The following ABRAXAS1 variants were observed in gnomAD, a reference collection of about 807,000 sequenced individuals.
ABRAXAS1 encodes the protein abraxas 1, BRCA1 A complex subunit.
Under a neutral mutation model 38.4 loss-of-function variants are expected in ABRAXAS1, and 26 were observed. The observed-to-expected ratio is 0.68, with a 90% CI of 0.50 to 0.94. ABRAXAS1 has a LOEUF of 0.94. Ranked by LOEUF, ABRAXAS1 falls within the 40% of genes least tolerant of loss-of-function variation. The pLI is 0.00. For missense variants in ABRAXAS1, 438 were observed against 481.9 expected, an observed-to-expected ratio of 0.91 and a Z score of 0.85; for synonymous variants, 144 against 165.5, an observed-to-expected ratio of 0.87 and a Z score of 1.00.
chr4:83,474,783 A>T (rs145632195), intron 3 of ABRAXAS1, among the ~76,000 whole-genome samples: 6 of 151,986 alleles, frequency 3.9e-5, no homozygotes, highest in Non-Finnish European at 7.4e-5. Flanking sequence ...GTGGGGCTCT[A>T]TTTTAGCAAC....
In ABRAXAS1 at chr4:83,462,834, G is replaced by A. The variant is rs1722186166; in HGVS notation, c.865C>T (p.Pro289Ser). 1 of 1,608,870 alleles carries A rather than the reference G, an allele frequency of 6.2e-7. No individual in the cohort carries two copies. The highest frequency in any genetic ancestry group is 2.2e-5 in the East Asian group (1 of 44,836). Residue 289 changes from proline (P) to serine (S), a missense_variant, in exon 9 of 9, where the codon CCA becomes TCA. Around this residue, in one of 3 missense-constraint regions of ABRAXAS1, gnomAD observed 184 missense variants for 181.9 expected, o/e 1.01. Coordinates refer to ENST00000321945, the MANE Select transcript of ABRAXAS1 (RefSeq NM_139076.3). ...CATGAATGAAGAAATTCAGAATTTG[G>A]AAAAAAGGTCCGTAATGCCTGACAA... ...FLCQALRTFF[P>S]NSEFLHSCVM...
intron 5 of ABRAXAS1, 156 bp from the exon 6 acceptor site, chr4:83,469,307 G>T: frequency 6.8e-6 from 4 of 586,976 alleles, no homozygotes; most frequent in Non-Finnish European, 2.9e-6. Flanking sequence ...TTACTGACTT[G>T]AAACAACTGT....
intron 2 of ABRAXAS1, chr4:83,477,739 G>A (rs934601459): frequency 1.1e-5 from 7 of 652,802 alleles, no homozygotes; most frequent in South Asian, 2.7e-5. Context: ...TCTATAAAGC[G>A]GAAGGTGTAT....
Position 83,460,938 on chromosome 4 carries a change from A to AT in ABRAXAS1, c.*1530dup, listed in dbSNP as rs779054803. The AT allele has an allele frequency of 8.9e-6, 14 of 1,571,796 alleles. No individual in the cohort carries two copies. The highest frequency in any genetic ancestry group is 4.0e-5 in the Admixed American group (2 of 49,490). ...AAAATTGCAAACTTTAAATATTGACATTTTTTATGAATAAGAAAGCTTTTT... is the reference window on the plus strand; with the variant it reads ...AAAATTGCAAACTTTAAATATTGACATTTTTTTATGAATAAGAAAGCTTTTT... On this transcript the variant is annotated 3_prime_UTR_variant, in exon 9 of 9. Transcript: ENST00000321945.
chr4:83,471,382 CTGTTT>C, intron 4 of ABRAXAS1, among the ~76,000 whole-genome samples: 1 of 148,892 alleles, frequency 6.7e-6, no homozygotes, highest in East Asian at 2.0e-4. Context: ...TTTTTTTCTT[CTGTTT>C]TTAGTAGAGA....
In ABRAXAS1 at chr4:83,460,771, C is replaced by T. The variant is rs1406750005; in HGVS notation, c.*1698G>A. On this transcript the variant is annotated 3_prime_UTR_variant, in exon 9 of 9. Transcript: ENST00000321945. ...ATACAAAAAAATTATCCGGGTGTGG[C>T]GGTGCATGCCTGTAATTCCAGTTAC... is the stretch of plus-strand genomic sequence containing the variant. The T allele has an allele frequency of 1.7e-5, 9 of 516,294 alleles. No homozygotes were observed. The highest frequency in any genetic ancestry group is 2.4e-5 in the Non-Finnish European group (7 of 286,022). 32.0% of individuals were successfully genotyped at this position (516,294 alleles called of 1,614,324 possible).
intron 7 of ABRAXAS1, among the ~76,000 whole-genome samples, chr4:83,464,537 A>C (rs1270379733): frequency 1.3e-5 from 2 of 152,204 alleles, no homozygotes; most frequent in African/African-American, 2.4e-5. Context: ...ACTAATTTCC[A>C]ACTGTAGGGT....
chr4:83,466,648 G>A (rs1043509119), intron 7 of ABRAXAS1, among the ~76,000 whole-genome samples: 7 of 151,658 alleles, frequency 4.6e-5, no homozygotes, highest in African/African-American at 1.7e-4. Context: ...CCATTCTCCT[G>A]CCTCAGCCAC....
chr4:83,471,296 C>T (rs761247444), intron 4 of ABRAXAS1, among the ~76,000 whole-genome samples: 4 of 145,116 alleles, frequency 2.8e-5, no homozygotes, highest in South Asian at 2.1e-4. Flanking sequence ...CTCTGCCTCC[C>T]GGGTTCAAGT....
intron 3 of ABRAXAS1, among the ~76,000 whole-genome samples, chr4:83,475,742 CAT>C (rs1375709656): frequency 6.6e-6 from 1 of 151,706 alleles, no homozygotes; most frequent in African/African-American, 2.4e-5. Flanking sequence ...TACATGATTA[CAT>C]GTGTTTGCTT....
chr4:83,484,463 T>C (rs2110051290), intron 1 of ABRAXAS1, among the ~76,000 whole-genome samples: 1 of 152,390 alleles, frequency 6.6e-6, no homozygotes, highest in East Asian at 1.9e-4. Context: ...AGATATCTGA[T>C]ATACCAGATT....
chr4:83,482,135 G>T lies in ABRAXAS1; in HGVS notation c.178+19C>A, dbSNP rs1185433932. On this transcript the variant is annotated intron_variant, in intron 2 of 8. Coordinates refer to ENST00000321945, the MANE Select transcript of ABRAXAS1 (RefSeq NM_139076.3). ...AGGAGACACAGATGATTCAAATATAGGAGAAATAAATAACTCACCAATTGT... is the reference window on the plus strand; with the variant it reads ...AGGAGACACAGATGATTCAAATATATGAGAAATAAATAACTCACCAATTGT... 2 of 1,453,158 alleles carry T rather than the reference G, an allele frequency of 1.4e-6. No individual in the cohort carries two copies. The highest frequency in any genetic ancestry group is 2.8e-5 in the African/African-American group (2 of 71,036). The allele number at this position is 1,453,158 out of a possible 1,614,324, so 90.0% of individuals were successfully genotyped here. A position where few individuals can be genotyped will look rare whatever the true frequency, so the allele number is the denominator to read the frequency against.
Position 83,467,542 on chromosome 4 carries a change from T to C in ABRAXAS1, c.597-4A>G. On this transcript the variant is annotated splice_region_variant and splice_polypyrimidine_tract_variant and intron_variant, in intron 6 of 8. Transcript: ENST00000321945. ...ATCTTCTTCAAAAAATTTAGAGCTG[T>C]AAAAAATTACCATTTCCTCAGGCAA... is the stretch of plus-strand genomic sequence containing the variant. The C allele has an allele frequency of 6.8e-7, 1 of 1,462,064 alleles. No homozygotes were observed. The highest frequency in any genetic ancestry group is 1.2e-5 in the South Asian group (1 of 84,782). 90.6% of individuals were successfully genotyped at this position (1,462,064 alleles called of 1,614,324 possible).
chr4:83,476,184 AGAGT>A (rs1206074347), intron 3 of ABRAXAS1, among the ~76,000 whole-genome samples: 6 of 152,226 alleles, frequency 3.9e-5, no homozygotes, highest in African/African-American at 1.4e-4. Context: ...CCTGAGTGAC[AGAGT>A]GAGACCCTGT....
In ABRAXAS1 at chr4:83,480,383, A is replaced by G. The variant is rs533348222; in HGVS notation, c.178+1771T>C. On this transcript the variant is annotated intron_variant, in intron 2 of 8. Transcript: ENST00000321945. Reference sequence around the variant, plus strand: ...TGAGACTCCATCTCAAAACAAAAACAAAATGTATATATACACATATATATA... The same window carrying G: ...TGAGACTCCATCTCAAAACAAAAACGAAATGTATATATACACATATATATA... 1.3e-4 allele frequency: 54 copies of G among 429,622 alleles called. 1 individual carries two copies. Among genetic ancestry groups the G allele is most frequent in the South Asian group, 8.5e-4 (52 of 61,074 alleles). The allele number at this position is 429,622 out of a possible 1,614,324, so 26.6% of individuals were successfully genotyped here.
At chr4:83,482,636 C>T (rs1723038561) in intron 1 of ABRAXAS1, among the ~76,000 whole-genome samples, 1 of 152,086 alleles carries the variant, frequency 6.6e-6, no homozygotes, top group South Asian at 2.1e-4. Flanking sequence ...GTTGAGGCTG[C>T]AGTGAGCTAT....
intron 3 of ABRAXAS1, among the ~76,000 whole-genome samples, chr4:83,475,371 C>T (rs772693693): frequency 2.0e-5 from 3 of 152,164 alleles, no homozygotes; most frequent in Non-Finnish European, 4.4e-5. Flanking sequence ...TCACCTTAAC[C>T]ATATGCTCCA....
intron 5 of ABRAXAS1, chr4:83,469,975 C>T (rs1722520198): frequency 2.6e-6 from 1 of 378,022 alleles, no homozygotes; most frequent in South Asian, 1.0e-4. Context: ...AAGAGCAAAT[C>T]TTCAGTGCCA....
rs1722014161 is a variant in ABRAXAS1, at chr4:83,459,862, T to C, written c.*2607A>G. On this transcript the variant is annotated 3_prime_UTR_variant, in exon 9 of 9. Coordinates refer to ENST00000321945, the MANE Select transcript of ABRAXAS1 (RefSeq NM_139076.3). The stretch of plus-strand genomic sequence containing the variant: ...GAATTATATCAATCTATTTCTATCA[T>C]TTAAGAAAACTCAAATTTTCAAATT... 1 of 1,392,014 alleles carries C rather than the reference T, an allele frequency of 7.2e-7. No homozygotes were observed. Among genetic ancestry groups the C allele is most frequent in the Non-Finnish European group, 9.9e-7 (1 of 1,010,480 alleles). 86.2% of individuals were successfully genotyped at this position (1,392,014 alleles called of 1,614,324 possible). A position where few individuals can be genotyped will look rare whatever the true frequency, so the allele number is the denominator to read the frequency against.
Sources: gnomAD v4.1 joint callset for allele counts (sites outside exome capture counted in the v4.1 genomes callset) on GRCh38, gnomAD v4.1.1 for gene constraint, gnomAD v4.1.1 regional missense constraint, MANE v1.5 for transcripts, NCBI Gene and HGNC (gene_info 2026-07-23, HGNC 2026-07-21) for gene names.